The following DAPK2 variants were observed in gnomAD, a reference collection of about 807,000 sequenced individuals.
The protein encoded by DAPK2 is death associated protein kinase 2, also known as death-associated protein kinase 2.
In DAPK2, 35 loss-of-function variants were observed where a neutral mutation model predicts 44.1. The observed-to-expected ratio is 0.79, with a 90% confidence interval of 0.61 to 1.05. The LOEUF (loss-of-function observed/expected upper bound fraction) is 1.05. Ranked by LOEUF, DAPK2 falls within the 50% of genes least tolerant of loss-of-function variation. The pLI, the probability that DAPK2 is intolerant of heterozygous loss-of-function variation, is 0.00. For synonymous variants in DAPK2, 174 were observed against 182.6 expected (o/e 0.95, Z 0.38); for missense variants, 453 against 483.2 (o/e 0.94, Z 0.59).
chr15:63,950,955 A>T (rs2077570365), intron 3 of DAPK2, among the ~76,000 whole-genome samples: 1 of 152,226 alleles, frequency 6.6e-6, no homozygotes, highest in Non-Finnish European at 1.5e-5. Context: ...TTATTAAAGG[A>T]CAGCTCGCAG....
intron 3 of DAPK2, among the ~76,000 whole-genome samples, chr15:63,962,391 C>T (rs1011514475): frequency 3.3e-5 from 5 of 152,216 alleles, no homozygotes; most frequent in Non-Finnish European, 4.4e-5. Flanking sequence ...CCATTGCTGG[C>T]GAGGAGCTGC....
At chr15:63,909,174 AC>A in intron 10 of DAPK2, 1 of 152,296 alleles carries the variant, frequency 6.6e-6, no homozygotes, top group Non-Finnish European at 1.5e-5. Context: ...TGAGGCAGCC[AC>A]CCCGAGGCCA....
intron 1 of DAPK2, among the ~76,000 whole-genome samples, chr15:64,032,177 G>A (rs1022204106): frequency 5.9e-5 from 9 of 152,174 alleles, no homozygotes; most frequent in Admixed American, 1.3e-4. Flanking sequence ...GAGGACGACC[G>A]GGAAAACCCT....
chr15:63,945,397 T>C (rs766893798), intron 3 of DAPK2, among the ~76,000 whole-genome samples: 1 of 152,154 alleles, frequency 6.6e-6, no homozygotes, highest in Admixed American at 6.5e-5. Flanking sequence ...AGGAAATGAA[T>C]TGAAAGAATC....
chr15:64,024,358 T>C (rs1029788019), intron 1 of DAPK2, among the ~76,000 whole-genome samples: 2 of 152,168 alleles, frequency 1.3e-5, no homozygotes, highest in South Asian at 2.1e-4. Context: ...GATGTGAGCA[T>C]GCCCTGGGGA....
rs374602205 is a variant in DAPK2 at position 64,036,139 on chromosome 15, T to C, written c.92+4031A>G. On this transcript the variant is annotated intron_variant, in intron 1 of 10. Transcript: ENST00000261891. ...AGCCAGACATGGTAGCACGCACCTG[T>C]AGTCCCAGCTACTCAGGAGGCTGAG... Among the ~76,000 whole-genome samples, 27 of 151,128 alleles carry C rather than the reference T, an allele frequency of 1.8e-4. No homozygotes were observed. The East Asian group carries it at 3.9e-3, about 22-fold the overall frequency.
At chr15:63,947,193 T>C (rs895559366) in intron 3 of DAPK2, among the ~76,000 whole-genome samples, 1 of 151,968 alleles carries the variant, frequency 6.6e-6, no homozygotes, top group Non-Finnish European at 1.5e-5. Flanking sequence ...CTCCACCCAG[T>C]TCCCACACAC....
chr15:63,922,114 A>T, intron 8 of DAPK2: 1 of 191,826 alleles, frequency 5.2e-6, no homozygotes, highest in Non-Finnish European at 9.6e-6. Context: ...TCCCTCTCTG[A>T]GTCAATTTTC....
At chr15:63,983,479 C>T (rs1411704371) in intron 2 of DAPK2, 54 bp downstream of exon 3, 3 of 1,558,708 alleles carry the variant, frequency 1.9e-6, no homozygotes, top group East Asian at 2.2e-5. Context: ...GTTTCCACTG[C>T]TCTGCCTGCC....
At chr15:63,958,487 G>T (rs2077791557) in intron 3 of DAPK2, among the ~76,000 whole-genome samples, 1 of 152,162 alleles carries the variant, frequency 6.6e-6, no homozygotes, top group Non-Finnish European at 1.5e-5. Context: ...ATGGTTTTAG[G>T]TCTAACATTT....
intron 1 of DAPK2, among the ~76,000 whole-genome samples, chr15:64,014,287 G>T (rs1422560719): frequency 6.6e-6 from 1 of 152,262 alleles, no homozygotes; most frequent in African/African-American, 2.4e-5. Context: ...TGTTGGTCCA[G>T]GCCCTGGCCT....
At chr15:64,022,554 A>T (rs2141089666) in intron 1 of DAPK2, among the ~76,000 whole-genome samples, 1 of 152,326 alleles carries the variant, frequency 6.6e-6, no homozygotes, top group Middle Eastern at 3.4e-3. Context: ...TGGTGGCTCA[A>T]ACCTGTAATC....
intron 8 of DAPK2, among the ~76,000 whole-genome samples, chr15:63,914,962 T>C (rs1205977054): frequency 1.3e-5 from 2 of 152,180 alleles, no homozygotes; most frequent in East Asian, 1.9e-4. Context: ...CAGTCCTCAG[T>C]ATCCTTGAAG....
At chr15:63,967,933 G>T (rs2078102333) in intron 3 of DAPK2, among the ~76,000 whole-genome samples, 2 of 152,238 alleles carry the variant, frequency 1.3e-5, no homozygotes, top group African/African-American at 4.8e-5. Flanking sequence ...TAAGGGTGTG[G>T]AGACAACATG....
chr15:63,991,536 A>G (rs1476054022), intron 1 of DAPK2, among the ~76,000 whole-genome samples: 1 of 152,226 alleles, frequency 6.6e-6, no homozygotes, highest in African/African-American at 2.4e-5. Context: ...CCGAAGTCCA[A>G]TATGTAAAAC....
intron 10 of DAPK2, chr15:63,910,748 G>C (rs1487997073): frequency 6.6e-6 from 1 of 151,998 alleles, no homozygotes; most frequent in East Asian, 1.9e-4. Context: ...GTAGAGTCAG[G>C]GTCTCACTGT....
At chr15:64,034,689 G>A (rs188934955) in intron 1 of DAPK2, among the ~76,000 whole-genome samples, 160 of 152,266 alleles carry the variant, frequency 1.1e-3, no homozygotes, top group African/African-American at 2.2e-3. Context: ...CACGGTAGTC[G>A]GTAGTCGAGA....
At chr15:63,944,982 A>T (rs1471350040) in intron 3 of DAPK2, among the ~76,000 whole-genome samples, 3 of 151,874 alleles carry the variant, frequency 2.0e-5, no homozygotes, top group Non-Finnish European at 4.4e-5. Context: ...ACTCCTCTTC[A>T]TTTTCAGAGC....
intron 1 of DAPK2, among the ~76,000 whole-genome samples, chr15:64,030,975 C>CACAT (rs1567285525): frequency 9.5e-6 from 1 of 105,358 alleles, no homozygotes; most frequent in Non-Finnish European, 2.0e-5. Context: ...TCAAAATACA[C>CACAT]ACATACACAC....
Sources: allele counts gnomAD v4.1 joint callset (sites outside exome capture counted in the v4.1 genomes callset), GRCh38; gene constraint gnomAD v4.1.1; transcripts MANE v1.5; gene names NCBI Gene and HGNC (gene_info 2026-07-23, HGNC 2026-07-21).